EHBP1: variants seen among roughly 807,000 people sequenced by gnomAD.
EHBP1 encodes the protein EH domain binding protein 1.
A neutral mutation model predicts 144.0 loss-of-function variants in EHBP1; 55 were observed. The observed-to-expected ratio is 0.38, with a 90% CI of 0.31 to 0.48. The LOEUF (loss-of-function observed/expected upper bound fraction) is 0.48, where lower values mean the gene tolerates loss of function less well. EHBP1 is among the 20% of genes least tolerant of loss of function. EHBP1 has a pLI of 0.98. For synonymous variants in EHBP1, 469 were observed against 472.7 expected (o/e 0.99, Z 0.10); for missense variants, 1,200 against 1,364.2 (o/e 0.88, Z 1.90).
chr2:62,702,972 C>T (rs969815836), upstream of EHBP1, among the ~76,000 whole-genome samples: 2 of 152,046 alleles, frequency 1.3e-5, no homozygotes, highest in Non-Finnish European at 1.5e-5. Context: ...GTGTACACAC[C>T]GAACATGTTC....
chr2:62,687,684 A>G (rs1266308664), intron 1 of EHBP1, among the ~76,000 whole-genome samples: 2 of 152,208 alleles, frequency 1.3e-5, no homozygotes, highest in Non-Finnish European at 1.5e-5. Flanking sequence ...ACGAGAGTCC[A>G]GCTATGTTCT....
intron 19 of EHBP1, among the ~76,000 whole-genome samples, chr2:63,021,350 A>T (rs1027039345): frequency 6.6e-6 from 1 of 152,240 alleles, no homozygotes; most frequent in Admixed American, 6.5e-5. Flanking sequence ...CTTAGGTTAT[A>T]TGTAAAAAGT....
chr2:62,776,374 A>G (rs539144644), intron 5 of EHBP1, among the ~76,000 whole-genome samples: 2 of 152,326 alleles, frequency 1.3e-5, no homozygotes, highest in South Asian at 4.1e-4. Context: ...GATGGTATTA[A>G]TATCTACTCC....
At chr2:63,012,796 G>C (rs1461054521) in intron 19 of EHBP1, among the ~76,000 whole-genome samples, 1 of 152,146 alleles carries the variant, frequency 6.6e-6, no homozygotes, top group Non-Finnish European at 1.5e-5. Context: ...AAAATGAGCT[G>C]TTGACATTCT....
intron 5 of EHBP1, among the ~76,000 whole-genome samples, chr2:62,804,272 T>C (rs13391887): frequency 1.2e-3 from 184 of 152,226 alleles, no homozygotes; most frequent in Middle Eastern, 0.01. Flanking sequence ...TTGAACTTGA[T>C]TGTGGAAGCA....
chr2:62,849,757 T>C (rs139742580), intron 7 of EHBP1, among the ~76,000 whole-genome samples: 1,564 of 152,308 alleles, frequency 0.01, 14 homozygotes, highest in Non-Finnish European at 0.017. Flanking sequence ...TTAAAATTGC[T>C]AGTTGTTAGA....
intron 2 of EHBP1, among the ~76,000 whole-genome samples, chr2:62,741,469 C>G (rs1390064526): frequency 1.3e-5 from 2 of 152,138 alleles, no homozygotes; most frequent in Non-Finnish European, 2.9e-5. Flanking sequence ...GACAAATGTC[C>G]TTGCCTCATA....
At chr2:62,785,981 A>G (rs974968005) in intron 5 of EHBP1, among the ~76,000 whole-genome samples, 9 of 151,904 alleles carry the variant, frequency 5.9e-5, no homozygotes, top group Non-Finnish European at 1.2e-4. Context: ...TTGTATTTCC[A>G]GCTTTGTGGG....
intron 10 of EHBP1, among the ~76,000 whole-genome samples, chr2:62,888,316 G>A (rs1033124196): frequency 6.6e-6 from 1 of 152,198 alleles, no homozygotes; most frequent in Non-Finnish European, 1.5e-5. Flanking sequence ...CTAGCATCAA[G>A]AATACCCCTA....
At chr2:62,929,009 CAG>C (rs1308204400) in intron 10 of EHBP1, among the ~76,000 whole-genome samples, 1 of 152,134 alleles carries the variant, frequency 6.6e-6, no homozygotes, top group Non-Finnish European at 1.5e-5. Flanking sequence ...TTCCTAGAAA[CAG>C]AAGACCTACC....
intron 10 of EHBP1, among the ~76,000 whole-genome samples, chr2:62,893,108 A>T (rs965855431): frequency 6.6e-6 from 1 of 152,198 alleles, no homozygotes; most frequent in African/African-American, 2.4e-5. Flanking sequence ...TGAAGGAGGC[A>T]TCCAAGTAGT....
At chr2:62,744,137 A>G (rs1439850856) in intron 2 of EHBP1, among the ~76,000 whole-genome samples, 1 of 152,164 alleles carries the variant, frequency 6.6e-6, no homozygotes, top group African/African-American at 2.4e-5. Context: ...CTGTGCATAC[A>G]TTTTATGTGT....
At position 62,839,320 on chromosome 2, in the gene EHBP1, T is replaced by G. The variant is rs564979376; in HGVS notation, c.634+8162T>G. Among the ~76,000 whole-genome samples the G allele has an allele frequency of 8.1e-5, 12 of 147,492 alleles. No homozygotes were observed. The East Asian group carries it at 1.2e-3, about 15-fold the overall frequency. On this transcript the variant is annotated intron_variant, in intron 7 of 22. Coordinates refer to ENST00000431489, the MANE Select transcript of EHBP1 (RefSeq NM_001142616.3). The stretch of plus-strand genomic sequence containing the variant: ...TTCATGCTAAAAACTCTCAATAAAT[T>G]AGGTATTGATGGGACGTATTTCAAA...
chr2:62,971,515 G>A (rs761491859), intron 14 of EHBP1, among the ~76,000 whole-genome samples: 3 of 152,134 alleles, frequency 2.0e-5, no homozygotes, highest in Non-Finnish European at 4.4e-5. Context: ...TTAAAAAATC[G>A]TAATCACTGT....
upstream of EHBP1, among the ~76,000 whole-genome samples, chr2:62,701,723 T>C (rs1011603959): frequency 3.3e-5 from 5 of 152,296 alleles, no homozygotes; most frequent in African/African-American, 1.2e-4. Flanking sequence ...TTAAAAGTAT[T>C]GGCCTGCCAC....
At chr2:62,774,937 T>TA (rs2041954044) in intron 5 of EHBP1, among the ~76,000 whole-genome samples, 2 of 152,158 alleles carry the variant, frequency 1.3e-5, no homozygotes, top group African/African-American at 2.4e-5. Flanking sequence ...AGAGAGAGGA[T>TA]AAAAATTACT....
intron 5 of EHBP1, among the ~76,000 whole-genome samples, chr2:62,806,104 C>G (rs2044435653): frequency 6.6e-6 from 1 of 151,920 alleles, no homozygotes; most frequent in African/African-American, 2.4e-5. Flanking sequence ...CTCAGCCTCC[C>G]CAGGAGCTGG....
intron 5 of EHBP1, among the ~76,000 whole-genome samples, chr2:62,796,141 C>T (rs1338140240): frequency 6.6e-6 from 1 of 151,868 alleles, no homozygotes; most frequent in African/African-American, 2.4e-5. Flanking sequence ...TGGAGCTTGG[C>T]ATTTAATTTT....
intron 5 of EHBP1, among the ~76,000 whole-genome samples, chr2:62,815,901 TG>T (rs2045407519): frequency 6.6e-6 from 1 of 152,202 alleles, no homozygotes; most frequent in Non-Finnish European, 1.5e-5. Context: ...ACTATAATGT[TG>T]CAAAGTCACG....
Sources: gnomAD v4.1 joint callset for allele counts (sites outside exome capture counted in the v4.1 genomes callset) on GRCh38, gnomAD v4.1.1 for gene constraint, MANE v1.5 for transcripts, NCBI Gene and HGNC (gene_info 2026-07-23, HGNC 2026-07-21) for gene names.